Variants in SPATA6L observed in about 807,000 individuals in gnomAD.
SPATA6L encodes spermatogenesis associated 6 like, also known as spermatogenesis associated 6-like protein.
Under a neutral mutation model 49.2 loss-of-function variants are expected in SPATA6L, and 68 were observed. That is an observed-to-expected ratio of 1.38 (90% CI 1.14 to 1.69). The LOEUF (loss-of-function observed/expected upper bound fraction) is 1.69, where lower values mean the gene tolerates loss of function less well. Ranked by LOEUF, SPATA6L falls within the 40% of genes most tolerant of loss-of-function variation. The pLI is 0.00. For missense variants in SPATA6L, 668 were observed against 464.3 expected (o/e 1.44, Z -4.03); for synonymous variants, 198 against 165.7 (o/e 1.19, Z -1.50).
At chr9:4,660,550 T>C (rs1839389501) in intron 2 of SPATA6L, among the ~76,000 whole-genome samples, 1 of 152,176 alleles carries the variant, frequency 6.6e-6, no homozygotes, top group South Asian at 2.1e-4. Flanking sequence ...GGAGAGAATG[T>C]GGAGAAACAG....
Position 4,664,361 on chromosome 9 carries a change from A to T in SPATA6L, c.39+1851T>A, listed in dbSNP as rs146368881. 657 of 167,080 alleles carry T rather than the reference A, an allele frequency of 3.9e-3. 10 individuals are homozygous for T. Among genetic ancestry groups the T allele is most frequent in the Middle Eastern group, 0.024 (7 of 296 alleles). 10.3% of individuals were successfully genotyped at this position (167,080 alleles called of 1,614,324 possible). ...CTGTATGCTACAGTTTTTCACATGG[A>T]ATTCCGTTTTCTGAGGTACAGCACA... On this transcript the variant is annotated intron_variant, in intron 1 of 11. Coordinates refer to ENST00000682582, the MANE Select transcript of SPATA6L (RefSeq NM_001353486.2).
Position 4,599,927 on chromosome 9 carries a change from G to A in SPATA6L, c.*884C>T, listed in dbSNP as rs1822809439. Among the ~76,000 whole-genome samples, 1 of 152,126 alleles carries A rather than the reference G, an allele frequency of 6.6e-6. No homozygotes were observed. The highest frequency in any genetic ancestry group is 2.4e-5 in the African/African-American group (1 of 41,400). ...CCATTTTCAGGCCCCTCTTCTCTGGGTCTGTATCAATGAAGACAAATGTGC... is the reference window on the plus strand; with the variant it reads ...CCATTTTCAGGCCCCTCTTCTCTGGATCTGTATCAATGAAGACAAATGTGC... On this transcript the variant is annotated 3_prime_UTR_variant, in exon 12 of 12. Transcript: ENST00000682582.
intron 3 of SPATA6L, among the ~76,000 whole-genome samples, chr9:4,648,206 A>C (rs960443250): frequency 6.6e-6 from 1 of 152,206 alleles, no homozygotes. Flanking sequence ...ATTTGAATTC[A>C]TAGGACAAAA....
chr9:4,662,538 T>A lies in SPATA6L; in HGVS notation c.40-502A>T, dbSNP rs1274338752. ...CCGCGCCACGGCCGTGGACCCCACC[T>A]GCGCCCGGCTCCGTGCATCGGAGAG... On this transcript the variant is annotated intron_variant, in intron 1 of 11. Transcript: ENST00000682582. The surrounding 1 kb of genome is among the most constrained non-coding windows in gnomAD (Gnocchi z 4.9). 1.3e-6 allele frequency: 2 copies of A among 1,568,136 alleles called. No homozygotes were observed. Among genetic ancestry groups the A allele is most frequent in the Non-Finnish European group, 1.7e-6 (2 of 1,166,628 alleles).
intron 10 of SPATA6L, among the ~76,000 whole-genome samples, 156 bp downstream of exon 10, chr9:4,605,191 A>G (rs1824441531): frequency 6.6e-6 from 1 of 152,188 alleles, no homozygotes; most frequent in African/African-American, 2.4e-5. Flanking sequence ...GCTACCATTC[A>G]ATCTCAGGAC....
intron 4 of SPATA6L, among the ~76,000 whole-genome samples, chr9:4,634,020 A>T (rs1310269089): frequency 6.6e-6 from 1 of 152,258 alleles, no homozygotes; most frequent in Non-Finnish European, 1.5e-5. Context: ...CTATAAATAC[A>T]ACCTCCTATA....
chr9:4,606,242 A>G (rs572436349), intron 9 of SPATA6L, among the ~76,000 whole-genome samples: 3,436 of 143,484 alleles, frequency 0.024, 56 homozygotes, highest in Non-Finnish European at 0.034. Context: ...GCCATTGCCC[A>G]GGCTTGCTGA....
intron 11 of SPATA6L, 70 bp downstream of exon 11, chr9:4,604,108 GA>G: frequency 9.8e-7 from 1 of 1,019,970 alleles, no homozygotes; most frequent in South Asian, 1.5e-5. Flanking sequence ...TTGATAGGAG[GA>G]AACTGAAATT....
chr9:4,625,079 A>G, intron 6 of SPATA6L: 1 of 492,810 alleles, frequency 2.0e-6, no homozygotes, highest in Non-Finnish European at 3.3e-6. Flanking sequence ...TCTGTTAATA[A>G]TTTTCAAAAA....
At chr9:4,629,391 T>A (rs1308094423) in intron 4 of SPATA6L, among the ~76,000 whole-genome samples, 1 of 152,070 alleles carries the variant, frequency 6.6e-6, no homozygotes, top group Non-Finnish European at 1.5e-5. Flanking sequence ...ACTCATCTAA[T>A]CCTAACACAA....
chr9:4,661,821 G>C (rs757051916), intron 2 of SPATA6L, 78 bp downstream of exon 2: 19 of 1,503,242 alleles, frequency 1.3e-5, no homozygotes, highest in Non-Finnish European at 1.7e-5. Context: ...ACCAAATAAT[G>C]CTGTAAGAAC....
chr9:4,647,409 T>A (rs1044641348), intron 3 of SPATA6L, among the ~76,000 whole-genome samples: 1 of 151,982 alleles, frequency 6.6e-6, no homozygotes, highest in Non-Finnish European at 1.5e-5. Flanking sequence ...CTGGCCAACA[T>A]AGTGAAACCC....
intron 9 of SPATA6L, among the ~76,000 whole-genome samples, chr9:4,611,901 C>T (rs4740791): frequency 0.17 from 26,182 of 152,076 alleles, 3,622 homozygotes; most frequent in African/African-American, 0.37. Context: ...TAACGTACAA[C>T]TGCATGATCA....
intron 11 of SPATA6L, among the ~76,000 whole-genome samples, chr9:4,601,738 T>A (rs948869158): frequency 6.6e-6 from 1 of 152,180 alleles, no homozygotes; most frequent in African/African-American, 2.4e-5. Context: ...AAGCCGGGAC[T>A]GGGACACGTA....
intron 7 of SPATA6L, among the ~76,000 whole-genome samples, chr9:4,622,094 T>G (rs1460721892): frequency 1.3e-5 from 2 of 152,176 alleles, no homozygotes; most frequent in East Asian, 3.9e-4. Flanking sequence ...AATGGTGACT[T>G]TGCAAGGGGT....
chr9:4,600,666 A>G lies in SPATA6L; in HGVS notation c.*145T>C, dbSNP rs1386441994. The G allele has an allele frequency of 6.6e-6, 1 of 152,176 alleles. No homozygotes were observed. Among genetic ancestry groups the G allele is most frequent in the African/African-American group, 2.4e-5 (1 of 41,428 alleles). The allele number at this position is 152,176 out of a possible 1,614,324, so 9.4% of individuals were successfully genotyped here. A position where few individuals can be genotyped will look rare whatever the true frequency, so the allele number is the denominator to read the frequency against. On this transcript the variant is annotated 3_prime_UTR_variant, in exon 12 of 12. Coordinates refer to ENST00000682582, the MANE Select transcript of SPATA6L (RefSeq NM_001353486.2). ...AACAACTCTTACCTGGGCACAAAAG[A>G]CTGAGTACAGGGTTTGGTTTAAAGG...
In SPATA6L at chr9:4,625,391, T is replaced by G; in HGVS notation, c.605A>C (p.Gln202Pro). 6.2e-7 allele frequency: 1 copy of G among 1,614,156 alleles called. No individual in the cohort carries two copies. Among genetic ancestry groups the G allele is most frequent in the Admixed American group, 1.7e-5 (1 of 60,022 alleles). Residue 202 changes from glutamine to proline, a missense_variant, in exon 6 of 12, where the codon CAG becomes CCG. Physicochemically the swap from Gln to Pro is moderately conservative, Grantham distance 76. Coordinates refer to ENST00000682582, the MANE Select transcript of SPATA6L (RefSeq NM_001353486.2). ...TTTGAAATTATTTCCAAGGTTCAAC[T>G]GAGCTGGCTGGTCCTGGAAGAAATG... The part of the protein sequence containing the change: ...TRHFFQDQPA[Q>P]LNLGNNFKIS...
chr9:4,632,177 G>T (rs976683536), intron 4 of SPATA6L, among the ~76,000 whole-genome samples: 2 of 150,950 alleles, frequency 1.3e-5, no homozygotes, highest in Non-Finnish European at 2.9e-5. Context: ...GCACCACCAT[G>T]CTCAACTAAT....
intron 3 of SPATA6L, among the ~76,000 whole-genome samples, chr9:4,643,549 A>G (rs906211564): frequency 1.3e-5 from 2 of 152,240 alleles, no homozygotes; most frequent in Non-Finnish European, 2.9e-5. Context: ...TTTATGGATA[A>G]CACCACCACT....
Sources: gnomAD v4.1 joint callset for allele counts (sites outside exome capture counted in the v4.1 genomes callset) on GRCh38, gnomAD v4.1.1 for gene constraint, Gnocchi (gnomAD v3.1) non-coding constraint, MANE v1.5 for transcripts, NCBI Gene and HGNC (gene_info 2026-07-23, HGNC 2026-07-21) for gene names.